Variants in ZNF98 observed in about 807,000 individuals in gnomAD.
The protein encoded by ZNF98 is zinc finger protein 98.
A neutral mutation model predicts 12.8 loss-of-function variants in ZNF98; 8 were observed. The observed-to-expected ratio is 0.63, with a 90% CI of 0.37 to 1.13. The LOEUF (loss-of-function observed/expected upper bound fraction) is 1.13, where lower values mean the gene tolerates loss of function less well. Ranked by LOEUF, ZNF98 falls within the 50% of genes most tolerant of loss-of-function variation. ZNF98 has a pLI of 0.01. For synonymous variants in ZNF98, 112 were observed against 223.5 expected, an observed-to-expected ratio of 0.50 and a Z score of 4.45; for missense variants, 379 against 666.1, an observed-to-expected ratio of 0.57 and a Z score of 4.74.
chr19:22,420,510 C>T (rs1295562090), intron 1 of ZNF98, among the ~76,000 whole-genome samples: 1 of 152,094 alleles, frequency 6.6e-6, no homozygotes, highest in Non-Finnish European at 1.5e-5. Context: ...GAAATGGAAG[C>T]TGGGTTGGGT....
chr19:22,402,306 T>C (rs1421016143), intron 3 of ZNF98: 2 of 350,560 alleles, frequency 5.7e-6, no homozygotes, highest in Non-Finnish European at 1.0e-5. Context: ...ACTTTATAAT[T>C]TCAAACTATA....
In ZNF98 at chr19:22,403,451, T is replaced by G; in HGVS notation, c.92A>C (p.Asp31Ala). 6.2e-7 allele frequency: 1 copy of G among 1,610,318 alleles called. No individual in the cohort carries two copies. The highest frequency in any genetic ancestry group is 8.5e-7 in the Non-Finnish European group (1 of 1,179,176). ...CCTATATAAATTCTGCTGTGCGGTG[T>G]CCAGGCATTGCCACTCCTCCAGAGA... ...EFSLEEWQCL[D>A]TAQQNLYRNV... Residue 31 changes from aspartate (D) to alanine (A), a missense_variant, in exon 2 of 4, where the codon GAC (aspartate) becomes GCC (alanine). By Grantham distance (126) the Asp-to-Ala change is moderately radical. This residue lies in a region of ZNF98 where 223 missense variants were observed against 261.6 expected (regional missense o/e 0.85). Coordinates refer to ENST00000357774, the MANE Select transcript of ZNF98 (RefSeq NM_001098626.2).
In ZNF98 at chr19:22,392,655, G is replaced by A; in HGVS notation, c.580C>T (p.Leu194Phe). 1 of 1,591,530 alleles carries A rather than the reference G, an allele frequency of 6.3e-7. No homozygotes were observed. The highest frequency in any genetic ancestry group is 8.6e-7 in the Non-Finnish European group (1 of 1,167,610). The change falls in exon 4 of 4, where the codon CTT (leucine) becomes TTT (phenylalanine). Residue 194 changes from leucine (L) to phenylalanine (F), a missense_variant. Coordinates refer to ENST00000357774, the MANE Select transcript of ZNF98 (RefSeq NM_001098626.2). ...CKECEKSFCM[L>F]SHLAQHKRIH... ...CTTTTATGTTGAGCTAAGTGTGAAA[G>A]CATGCAAAATGACTTTTCACATTCT...
chr19:22,413,048 G>A (rs528072914), intron 1 of ZNF98, among the ~76,000 whole-genome samples: 23 of 151,178 alleles, frequency 1.5e-4, no homozygotes, highest in South Asian at 6.2e-4. Flanking sequence ...GCGAGACTCC[G>A]TCTCAAAAAA....
At chr19:22,411,446 T>A (rs1038262183) in intron 1 of ZNF98, among the ~76,000 whole-genome samples, 1 of 152,258 alleles carries the variant, frequency 6.6e-6, no homozygotes, top group Admixed American at 6.5e-5. Context: ...TTCTGTATTG[T>A]TAAATTTAAT....
intron 1 of ZNF98, among the ~76,000 whole-genome samples, chr19:22,415,643 G>T (rs764480248): frequency 6.9e-6 from 1 of 144,796 alleles, no homozygotes; most frequent in Non-Finnish European, 1.5e-5. Context: ...AATTAGCCAG[G>T]TCTGGTGGTG....
At chr19:22,412,305 AC>A (rs1969589105) in intron 1 of ZNF98, among the ~76,000 whole-genome samples, 1 of 152,178 alleles carries the variant, frequency 6.6e-6, no homozygotes, top group African/African-American at 2.4e-5. Context: ...AAATTAAACA[AC>A]CTGCACTTGA....
chr19:22,413,505 A>AAT (rs1284346875), intron 1 of ZNF98, among the ~76,000 whole-genome samples: 16 of 152,286 alleles, frequency 1.1e-4, no homozygotes, highest in African/African-American at 3.4e-4. Flanking sequence ...AAAAGAATAA[A>AAT]ATATCTAGGA....
chr19:22,402,457 C>G, intron 3 of ZNF98: 1 of 406,540 alleles, frequency 2.5e-6, no homozygotes. Context: ...TAGAGTTTCT[C>G]AAAATTATGC....
intron 3 of ZNF98, among the ~76,000 whole-genome samples, chr19:22,400,579 C>T (rs868336453): frequency 2.6e-5 from 4 of 151,490 alleles, no homozygotes; most frequent in Admixed American, 6.6e-5. Flanking sequence ...GCTACCTACC[C>T]CTCTCCACTA....
intron 1 of ZNF98, among the ~76,000 whole-genome samples, chr19:22,413,029 G>T (rs913548360): frequency 2.6e-5 from 4 of 151,650 alleles, no homozygotes; most frequent in Admixed American, 6.6e-5. Flanking sequence ...CTCCAGCCTG[G>T]GTGACAGAGC....
intron 3 of ZNF98, among the ~76,000 whole-genome samples, chr19:22,402,177 A>C (rs1969466498): frequency 2.2e-5 from 1 of 46,012 alleles, no homozygotes; most frequent in African/African-American, 1.1e-4. Flanking sequence ...CTCCATCTCA[A>C]AAAAAAAAAA....
chr19:22,393,122 A>T (rs1335238153), intron 3 of ZNF98, 141 bp from the exon 4 acceptor site: 2 of 915,074 alleles, frequency 2.2e-6, no homozygotes, highest in Non-Finnish European at 3.1e-6. Context: ...TTTCACAGAC[A>T]TATAAAAGCA....
chr19:22,407,566 G>C (rs1969534885), intron 1 of ZNF98, among the ~76,000 whole-genome samples: 1 of 151,270 alleles, frequency 6.6e-6, no homozygotes, highest in Non-Finnish European at 1.5e-5. Context: ...CCAAAATTTA[G>C]CTGGGTGTGG....
Position 22,400,948 on chromosome 19 carries a change from G to A in ZNF98, c.253+1841C>T, listed in dbSNP as rs1473058473. On this transcript the variant is annotated intron_variant, in intron 3 of 3. Transcript: ENST00000357774. The stretch of plus-strand genomic sequence containing the variant: ...AGTCTCAGCGACAGAGTGAGACACT[G>A]TCTCAAAAAACAAAACAAAACAAAA... Among the ~76,000 whole-genome samples, 336 of 108,634 alleles carry A rather than the reference G, an allele frequency of 3.1e-3. 2 individuals are homozygous for A. Among genetic ancestry groups the A allele is most frequent in the African/African-American group, 0.013 (327 of 25,816 alleles). The allele number at this position is 108,634 out of a possible 152,430, so 71.3% of individuals were successfully genotyped here. A position where few individuals can be genotyped will look rare whatever the true frequency, so the allele number is the denominator to read the frequency against.
chr19:22,408,165 C>T (rs888583985), intron 1 of ZNF98, among the ~76,000 whole-genome samples: 1 of 152,206 alleles, frequency 6.6e-6, no homozygotes, highest in African/African-American at 2.4e-5. Flanking sequence ...AAACGTAATT[C>T]ATGACATAAA....
At chr19:22,403,309 A>G in intron 2 of ZNF98, 77 bp downstream of exon 2, 1 of 1,499,642 alleles carries the variant, frequency 6.7e-7, no homozygotes, top group Non-Finnish European at 8.9e-7. Context: ...ATAAACTACC[A>G]AAAAAACCAT....
Position 22,397,212 on chromosome 19 carries a change from T to TG in ZNF98, c.254-4232_254-4231insC, listed in dbSNP as rs1555703682. ...CATCTGTGTGTGTGTGTGTGTGTTTTTGTGTGTGTGTGTGTGTGTGTGTAT... is the reference window on the plus strand; with the variant it reads ...CATCTGTGTGTGTGTGTGTGTGTTTTGTGTGTGTGTGTGTGTGTGTGTGTAT... On this transcript the variant is annotated intron_variant, in intron 3 of 3. Transcript: ENST00000357774. Among the ~76,000 whole-genome samples, 209 of 145,328 alleles carry TG rather than the reference T, an allele frequency of 1.4e-3. 2 individuals carry two copies. Among genetic ancestry groups the TG allele is most frequent in the Middle Eastern group, 0.011 (3 of 280 alleles).
chr19:22,409,913 CAAAAAAAA>C (rs71180546), intron 1 of ZNF98, among the ~76,000 whole-genome samples: 4 of 89,432 alleles, frequency 4.5e-5, no homozygotes, highest in Admixed American at 1.2e-4. Context: ...CTCTATCTCA[CAAAAAAAA>C]AAAAAAAAAA....
Sources: allele counts gnomAD v4.1 joint callset (sites outside exome capture counted in the v4.1 genomes callset), GRCh38; gene constraint gnomAD v4.1.1; regional missense constraint gnomAD v4.1.1; transcripts MANE v1.5; gene names NCBI Gene and HGNC (gene_info 2026-07-23, HGNC 2026-07-21).